The following UNC45A variants were observed in gnomAD, a reference collection of about 807,000 sequenced individuals.
UNC45A encodes the protein unc-45 myosin chaperone A.
A neutral mutation model predicts 103.2 loss-of-function variants in UNC45A; 78 were observed. The ratio of observed to expected loss-of-function variants is 0.76; its 90% CI spans 0.63 to 0.91. The LOEUF (loss-of-function observed/expected upper bound fraction) is 0.91, where lower values mean the gene tolerates loss of function less well. Ranked by LOEUF, UNC45A falls within the 40% of genes least tolerant of loss-of-function variation. The probability of loss-of-function intolerance (pLI) is 0.00; values close to 1 mark genes in which losing one functional copy is unlikely to be tolerated. For missense variants in UNC45A, 1,193 were observed against 1,224.8 expected, an observed-to-expected ratio of 0.97 and a Z score of 0.39; for synonymous variants, 495 against 504.6, an observed-to-expected ratio of 0.98 and a Z score of 0.25.
At chr15:90,940,551 G>A in intron 6 of UNC45A, 78 bp downstream of exon 6, 1 of 1,519,036 alleles carries the variant, frequency 6.6e-7, no homozygotes, top group South Asian at 1.3e-5. Context: ...CCACCCATCT[G>A]TCCATCCGCC....
At chr15:90,951,200 C>T (rs6496739) in intron 17 of UNC45A, among the ~76,000 whole-genome samples, 50,086 of 152,076 alleles carry the variant, frequency 0.33, 9,056 homozygotes, top group East Asian at 0.56. Flanking sequence ...AGAGATGGCG[C>T]TTTACCATGT....
chr15:90,947,492 T>G (rs1233179804), intron 10 of UNC45A: 1 of 413,064 alleles, frequency 2.4e-6, no homozygotes, highest in Non-Finnish European at 4.5e-6. Context: ...GCAGAGGGCT[T>G]CTTTGTGCGA....
rs377273466 is a variant in UNC45A, at chr15:90,948,223, C to T, written c.1677C>T (p.Asp559=). The part of the protein sequence containing the change: ...EGLAYLTFDA[D]VKEEFVEDAA... ...TGGCTTACCTGACCTTTGATGCCGA[C>T]GTGAAGGAAGAGTTTGTGGAGGATG... Residue 559 remains aspartate, a synonymous_variant, in exon 12 of 20, where the codon GAC becomes GAT. Transcript: ENST00000418476. 1.4e-5 allele frequency: 22 copies of T among 1,614,004 alleles called. 1 individual carries two copies. The African/African-American group carries it at 1.7e-4, about 13-fold the overall frequency.
Position 90,935,301 on chromosome 15 carries a change from C to A in UNC45A, c.-24C>A, listed in dbSNP as rs181357743. On this transcript the variant is annotated 5_prime_UTR_variant, in exon 1 of 20. Coordinates refer to ENST00000418476, the MANE Select transcript of UNC45A (RefSeq NM_018671.5). ...CCCCGCCCCAGAGACTGCGCCTGCG[C>A]GGGCACGAGACAACCTCTCCGCGAT... is the stretch of plus-strand genomic sequence containing the variant. The A allele has an allele frequency of 3.8e-6, 6 of 1,594,808 alleles. No homozygotes were observed. Among genetic ancestry groups the A allele is most frequent in the Non-Finnish European group, 3.4e-6 (4 of 1,173,410 alleles).
At chr15:90,936,583 A>G in intron 4 of UNC45A, 123 bp downstream of exon 4, 1 of 1,173,358 alleles carries the variant, frequency 8.5e-7, no homozygotes, top group Non-Finnish European at 1.2e-6. Flanking sequence ...GTGGCCAGGG[A>G]AAAGCAAATT....
upstream of UNC45A, chr15:90,934,881 C>G (rs984497910): frequency 2.0e-5 from 9 of 439,112 alleles, no homozygotes; most frequent in African/African-American, 4.1e-5. Context: ...CTGTACCCCC[C>G]ACAGAGCGCA....
At chr15:90,939,609 G>C (rs2036187192) in intron 4 of UNC45A, 122 bp from the exon 5 acceptor site, 1 of 988,454 alleles carries the variant, frequency 1.0e-6, no homozygotes, top group Non-Finnish European at 1.5e-6. Context: ...CTAGGTGCTA[G>C]CCCTGAGCCT....
chr15:90,932,011 CT>C, upstream of UNC45A: 1 of 1,614,016 alleles, frequency 6.2e-7, no homozygotes, highest in South Asian at 1.1e-5. Context: ...AATGGGGCCC[CT>C]AATCCCCATC....
Position 90,948,208 on chromosome 15 carries a change from G to C in UNC45A, c.1662G>C (p.Leu554=). 6.2e-7 allele frequency: 1 copy of C among 1,614,166 alleles called. No individual in the cohort carries two copies. Among genetic ancestry groups the C allele is most frequent in the Non-Finnish European group, 8.5e-7 (1 of 1,180,052 alleles). ...GGGCAGTGGAGGGCCTGGCTTACCT[G>C]ACCTTTGATGCCGACGTGAAGGAAG... ...RRWAVEGLAY[L]TFDADVKEEF... The change falls in exon 12 of 20, where the codon CTG becomes CTC. Residue 554 remains leucine, a synonymous_variant. Coordinates refer to ENST00000418476, the MANE Select transcript of UNC45A (RefSeq NM_018671.5).
chr15:90,936,225 C>T (rs1477470165), intron 3 of UNC45A, 60 bp from the exon 4 acceptor site: 1 of 1,557,666 alleles, frequency 6.4e-7, no homozygotes, highest in Non-Finnish European at 8.7e-7. Flanking sequence ...TCTTTCCCTA[C>T]TGCTCTTGCC....
At position 90,949,169 on chromosome 15, in the gene UNC45A, C is replaced by T. The variant is rs1028186929; in HGVS notation, c.1879-147C>T. On this transcript the variant is annotated intron_variant, in intron 13 of 19. Coordinates refer to ENST00000418476, the MANE Select transcript of UNC45A (RefSeq NM_018671.5). Reference sequence around the variant, plus strand: ...GGGATTACAGGTGTGAGCCACCGTGCCCAGCCAACAGCCTCCCTTTTAAGC... The same window carrying T: ...GGGATTACAGGTGTGAGCCACCGTGTCCAGCCAACAGCCTCCCTTTTAAGC... 42 of 1,188,806 alleles carry T rather than the reference C, an allele frequency of 3.5e-5. No homozygotes were observed. The African/African-American group carries it at 6.1e-4, about 17-fold the overall frequency. The allele number at this position is 1,188,806 out of a possible 1,614,324, so 73.6% of individuals were successfully genotyped here.
At position 90,952,962 on chromosome 15, in the gene UNC45A, G is replaced by A; in HGVS notation, c.2337G>A (p.Met779Ile). The change falls in exon 18 of 20, where the codon ATG becomes ATA. Residue 779 changes from methionine (M) to isoleucine (I), a missense_variant. Coordinates refer to ENST00000418476, the MANE Select transcript of UNC45A (RefSeq NM_018671.5). ...TCCTGAAGGAGAAGGCTGTGCCCAT[G>A]ATAGAAGGCTACATGTTTGAGGAGC... ...QKILKEKAVP[M>I]IEGYMFEEHE... is the part of the protein sequence containing the mutation. The A allele has an allele frequency of 1.2e-6, 2 of 1,613,396 alleles. No individual in the cohort carries two copies. Among genetic ancestry groups the A allele is most frequent in the Non-Finnish European group, 1.7e-6 (2 of 1,180,034 alleles).
intron 9 of UNC45A, among the ~76,000 whole-genome samples, chr15:90,945,866 CACACCTGAG>C (rs2036538908): frequency 6.7e-6 from 1 of 150,308 alleles, no homozygotes; most frequent in Non-Finnish European, 1.5e-5. Context: ...CTCCTGACCT[CACACCTGAG>C]GTGATCTGCC....
chr15:90,947,731 G>T, intron 10 of UNC45A, 65 bp from the exon 11 acceptor site: 5 of 1,231,802 alleles, frequency 4.1e-6, no homozygotes, highest in Non-Finnish European at 4.8e-6. Context: ...TCCAAGCCAG[G>T]TGTGGAGGAG....
chr15:90,946,964 T>A, intron 10 of UNC45A, 50 bp downstream of exon 10: 1 of 1,562,992 alleles, frequency 6.4e-7, no homozygotes, highest in South Asian at 1.2e-5. Flanking sequence ...GCAGGGGTCC[T>A]GGTCCAGCCG....
rs757160203 is a variant in UNC45A, at chr15:90,943,061, A to G, written c.1006A>G (p.Thr336Ala). The stretch of plus-strand genomic sequence containing the variant: ...TCTCAAGGACCCCAACAACAGCCTC[A>G]CCCTCTGGGTCATCGACCAAGGTAG... ...KSLKDPNNSL[T>A]LWVIDQGLKK... is the part of the protein sequence containing the mutation. Residue 336 changes from threonine to alanine, a missense_variant, in exon 8 of 20, where the codon ACC becomes GCC. Coordinates refer to ENST00000418476, the MANE Select transcript of UNC45A (RefSeq NM_018671.5). The G allele has an allele frequency of 6.2e-7, 1 of 1,612,946 alleles. No homozygotes were observed. The highest frequency in any genetic ancestry group is 1.1e-5 in the South Asian group (1 of 90,940).
rs768059313 is a variant in UNC45A, at chr15:90,937,487, A to ATT, written c.426+1028_426+1029dup. ...GGGTATGTAAATACAAAGGAAAATA[A>ATT]TTGTTTTTTTTTTTTTTGAGACGGA... On this transcript the variant is annotated intron_variant, in intron 4 of 19. Transcript: ENST00000418476. Among the ~76,000 whole-genome samples the ATT allele has an allele frequency of 8.7e-5, 13 of 148,718 alleles. 1 individual carries two copies. Among genetic ancestry groups the ATT allele is most frequent in the East Asian group, 5.9e-4 (3 of 5,096 alleles).
In UNC45A at chr15:90,945,292, A is replaced by G. The variant is rs1466072162; in HGVS notation, c.1199+229A>G. Among the ~76,000 whole-genome samples the G allele has an allele frequency of 2.0e-5, 3 of 152,092 alleles. No homozygotes were observed. The East Asian group carries it at 5.8e-4, about 29-fold the overall frequency. ...ATGTTCCAATAATGCAACAAACGCC[A>G]TCAAGCACGTACTGGGTTTACCAAA... On this transcript the variant is annotated intron_variant, in intron 9 of 19. Transcript: ENST00000418476.
upstream of UNC45A, chr15:90,931,777 G>A (rs779117867): frequency 6.2e-6 from 10 of 1,614,102 alleles, no homozygotes; most frequent in South Asian, 3.3e-5. Context: ...TGGCCCCGGG[G>A]CTACTGTGGG....
Sources: allele counts gnomAD v4.1 joint callset (sites outside exome capture counted in the v4.1 genomes callset), GRCh38; gene constraint gnomAD v4.1.1; transcripts MANE v1.5; gene names NCBI Gene and HGNC (gene_info 2026-07-23, HGNC 2026-07-21).